Variants in ARHGAP17 observed in about 807,000 individuals in gnomAD.
The protein encoded by ARHGAP17 is rho GTPase-activating protein 17.
In ARHGAP17, 57 loss-of-function variants were observed where a neutral mutation model predicts 99.5. The observed-to-expected ratio is 0.57, with a 90% CI of 0.46 to 0.71. The LOEUF (loss-of-function observed/expected upper bound fraction) is 0.71, where lower values mean the gene tolerates loss of function less well. Among genes scored for constraint, ARHGAP17 ranks in the 30% least tolerant of loss-of-function variants. The probability of loss-of-function intolerance (pLI) is 0.00; values close to 1 mark genes in which losing one functional copy is unlikely to be tolerated. For missense variants in ARHGAP17, 1,000 were observed against 1,122.4 expected (o/e 0.89, Z 1.56); for synonymous variants, 417 against 429.6 (o/e 0.97, Z 0.36).
intron 3 of ARHGAP17, among the ~76,000 whole-genome samples, chr16:24,976,014 G>C (rs1470491028): frequency 6.7e-6 from 1 of 150,030 alleles, no homozygotes; most frequent in Admixed American, 6.7e-5. Context: ...CTATGAGCTA[G>C]GAGTAGGACC....
intron 18 of ARHGAP17, 43 bp downstream of exon 18, chr16:24,935,427 T>C: frequency 6.5e-7 from 1 of 1,546,622 alleles, no homozygotes; most frequent in Non-Finnish European, 8.7e-7. Flanking sequence ...TAAGGAGGTC[T>C]GCACAGGCTT....
intron 16 of ARHGAP17, 154 bp from the exon 17 acceptor site, chr16:24,939,751 CT>C (rs2051260471): frequency 8.3e-6 from 6 of 727,238 alleles, no homozygotes; most frequent in South Asian, 5.0e-5. Flanking sequence ...ATGGCCACCC[CT>C]GAGCAACTCC....
chr16:24,930,875 G>A lies in ARHGAP17; in HGVS notation c.2424C>T (p.Ser808=), dbSNP rs201339229. The A allele has an allele frequency of 1.1e-5, 17 of 1,613,880 alleles. 1 individual carries two copies. Among genetic ancestry groups the A allele is most frequent in the South Asian group, 5.5e-5 (5 of 91,048 alleles). ...CAGGAGGTTGGGGGGGTGGGGGCAC[G>A]CTGGGCCGGTTCCTTGGCTTTGGTA... ...RPVPKPRNRP[S]VPPPPQPPGV... The change falls in exon 19 of 20, where the codon AGC becomes AGT. Residue 808 remains serine (S), a synonymous_variant. Coordinates refer to ENST00000289968, the MANE Select transcript of ARHGAP17 (RefSeq NM_001006634.3).
chr16:24,993,959 G>A (rs373585319), intron 1 of ARHGAP17, among the ~76,000 whole-genome samples: 21 of 152,306 alleles, frequency 1.4e-4, no homozygotes, highest in African/African-American at 4.1e-4. Flanking sequence ...CTTTGCAAAC[G>A]TAGGACTGTA....
chr16:24,959,222 A>C (rs1250672460), intron 9 of ARHGAP17, among the ~76,000 whole-genome samples: 2 of 152,242 alleles, frequency 1.3e-5, no homozygotes, highest in Non-Finnish European at 2.9e-5. Context: ...CTTATTATTA[A>C]GTGTGACGTG....
chr16:24,982,960 T>C (rs1181968311), intron 1 of ARHGAP17, among the ~76,000 whole-genome samples: 1 of 97,982 alleles, frequency 1.0e-5, no homozygotes, highest in African/African-American at 3.7e-5. Context: ...TAATACTTGA[T>C]AAATCATATA....
intron 1 of ARHGAP17, among the ~76,000 whole-genome samples, chr16:24,989,949 C>T (rs2052987442): frequency 6.6e-6 from 1 of 152,100 alleles, no homozygotes; most frequent in African/African-American, 2.4e-5. Context: ...TATTCTATAG[C>T]ACTGTAGGGT....
At chr16:24,999,402 T>C (rs1453293484) in intron 1 of ARHGAP17, among the ~76,000 whole-genome samples, 2 of 150,748 alleles carry the variant, frequency 1.3e-5, no homozygotes, top group Admixed American at 6.6e-5. Context: ...ACAGGTGTTT[T>C]ATTTATTTAT....
intron 12 of ARHGAP17, among the ~76,000 whole-genome samples, chr16:24,949,822 A>G (rs1301637266): frequency 6.6e-6 from 1 of 152,206 alleles, no homozygotes; most frequent in Non-Finnish European, 1.5e-5. Flanking sequence ...GTACTGACGT[A>G]TGGCTTTACA....
At chr16:24,946,831 C>G (rs2141212116) in intron 14 of ARHGAP17, among the ~76,000 whole-genome samples, 1 of 152,340 alleles carries the variant, frequency 6.6e-6, no homozygotes, top group East Asian at 1.9e-4. Context: ...GTCACGTTTT[C>G]ACAATTTACT....
At chr16:24,959,478 G>C (rs527976557) in intron 9 of ARHGAP17, among the ~76,000 whole-genome samples, 193 bp downstream of exon 9, 3 of 152,324 alleles carry the variant, frequency 2.0e-5, no homozygotes, top group African/African-American at 7.2e-5. Context: ...TGTTCCATTA[G>C]TGTGTTAATT....
intron 3 of ARHGAP17, among the ~76,000 whole-genome samples, chr16:24,971,567 A>T (rs906479641): frequency 6.6e-6 from 1 of 152,116 alleles, no homozygotes; most frequent in Non-Finnish European, 1.5e-5. Flanking sequence ...ACCTCAAGTG[A>T]TCTGCCCTCC....
chr16:24,943,276 T>C (rs2051368288), intron 15 of ARHGAP17, among the ~76,000 whole-genome samples: 1 of 152,210 alleles, frequency 6.6e-6, no homozygotes, highest in Non-Finnish European at 1.5e-5. Context: ...CTCCTATCTA[T>C]GGGCAAATCC....
intron 1 of ARHGAP17, among the ~76,000 whole-genome samples, chr16:24,999,326 A>C (rs1453007575): frequency 6.6e-6 from 1 of 152,156 alleles, no homozygotes; most frequent in African/African-American, 2.4e-5. Context: ...CCAATTAGTC[A>C]TCGTTTTAAA....
Position 24,930,860 on chromosome 16 carries a change from G to T in ARHGAP17, c.2439C>A (p.Pro813=), listed in dbSNP as rs560550812. Reference sequence around the variant, plus strand: ...CAGCTGAGTGGACACCAGGAGGTTGGGGGGGTGGGGGCACGCTGGGCCGGT... The same window carrying T: ...CAGCTGAGTGGACACCAGGAGGTTGTGGGGGTGGGGGCACGCTGGGCCGGT... ...PRNRPSVPPP[P]QPPGVHSAGD... The change falls in exon 19 of 20, where the codon CCC becomes CCA. Residue 813 remains proline (P), a synonymous_variant. Transcript: ENST00000289968. The T allele has an allele frequency of 1.1e-5, 17 of 1,614,004 alleles. No individual in the cohort carries two copies. In the African/African-American group the frequency reaches 1.5e-4, roughly 14 times the overall value.
Position 24,939,383 on chromosome 16 carries a change from G to GC in ARHGAP17, c.1704dup (p.Pro569AlafsTer66), listed in dbSNP as rs752864111. 7 of 1,607,616 alleles carry GC rather than the reference G, an allele frequency of 4.4e-6. No homozygotes were observed. Among genetic ancestry groups the GC allele is most frequent in the Non-Finnish European group, 5.9e-6 (7 of 1,179,444 alleles). On this transcript the variant is annotated frameshift_variant, in exon 17 of 20. Transcript: ENST00000289968. LOFTEE classifies it high-confidence loss of function. Reference sequence around the variant, plus strand: ...CCTTACCTGCCGTCGCCTGGGCTCGGCCCCTGCTCCAGTATGCCCGCGGAA... The same window carrying GC: ...CCTTACCTGCCGTCGCCTGGGCTCGGCCCCCTGCTCCAGTATGCCCGCGGAA...
intron 1 of ARHGAP17, among the ~76,000 whole-genome samples, chr16:24,997,526 A>C (rs548734368): frequency 6.6e-6 from 1 of 152,346 alleles, no homozygotes; most frequent in South Asian, 2.1e-4. Flanking sequence ...TATGTGAGGG[A>C]AAGATATGCT....
At chr16:25,005,119 T>C (rs2053471269) in intron 1 of ARHGAP17, among the ~76,000 whole-genome samples, 1 of 152,254 alleles carries the variant, frequency 6.6e-6, no homozygotes, top group South Asian at 2.1e-4. Context: ...TTTTACCATA[T>C]TGGTCAGGCT....
chr16:24,928,395 A>G (rs377722695), intron 19 of ARHGAP17, among the ~76,000 whole-genome samples: 6 of 152,350 alleles, frequency 3.9e-5, no homozygotes, highest in East Asian at 1.9e-4. Context: ...GTAAAATTTC[A>G]CTTATCTAAT....
Sources: allele counts gnomAD v4.1 joint callset (sites outside exome capture counted in the v4.1 genomes callset), GRCh38; gene constraint gnomAD v4.1.1; transcripts MANE v1.5; gene names NCBI Gene and HGNC (gene_info 2026-07-23, HGNC 2026-07-21).